The following CELSR2 variants were observed in gnomAD, a reference collection of about 807,000 sequenced individuals.
The protein encoded by CELSR2 is cadherin EGF LAG seven-pass G-type receptor 2.
A neutral mutation model predicts 251.6 loss-of-function variants in CELSR2; 81 were observed. The ratio of observed to expected loss-of-function variants is 0.32; its 90% CI spans 0.27 to 0.39. CELSR2 has a LOEUF of 0.39. Among genes scored for constraint, CELSR2 ranks in the 10% least tolerant of loss-of-function variants. The pLI is 1.00. For missense variants in CELSR2, 3,365 were observed against 3,947.7 expected (o/e 0.85, Z 3.96); for synonymous variants, 1,721 against 1,670.5 (o/e 1.03, Z -0.74).
chr1:109,270,363 C>G, intron 23 of CELSR2, 63 bp from the exon 24 acceptor site: 2 of 1,573,824 alleles, frequency 1.3e-6, no homozygotes, highest in African/African-American at 1.3e-5. Flanking sequence ...ATGCCTGACC[C>G]GAAGCAGAGC....
In CELSR2 at chr1:109,270,150, GC is replaced by G. The variant is rs752343806; in HGVS notation, c.7308+20del. On this transcript the variant is annotated intron_variant, in intron 23 of 33. Coordinates refer to ENST00000271332, the MANE Select transcript of CELSR2 (RefSeq NM_001408.3). ...GACCTCCCTGTAAGATGCTCCTACT[GC>G]CCAGAAACTGTCCCCACCTTCTCAG... 3 of 1,612,142 alleles carry G rather than the reference GC, an allele frequency of 1.9e-6. No individual in the cohort carries two copies. In the African/African-American group the frequency reaches 4.0e-5, roughly 22 times the overall value.
chr1:109,251,128 G>A lies in CELSR2; in HGVS notation c.1049G>A (p.Arg350Gln), dbSNP rs192199164. 6.2e-6 allele frequency: 10 copies of A among 1,613,104 alleles called. No homozygotes were observed. Among genetic ancestry groups the A allele is most frequent in the African/African-American group, 2.7e-5 (2 of 75,032 alleles). Residue 350 changes from arginine to glutamine, a missense_variant, in exon 1 of 34, where the codon CGA becomes CAA. Around this residue, in one of 5 missense-constraint regions of CELSR2, gnomAD observed 704 missense variants for 784.1 expected, o/e 0.90. Transcript: ENST00000271332. The surrounding 1 kb of genome is among the most constrained non-coding windows in gnomAD (Gnocchi z 4.9). ...ATCGACCCTCGCTCTGGGGTGATCCGAACCCGTGGCCCTGTGGATCGGGAA... is the reference window on the plus strand; with the variant it reads ...ATCGACCCTCGCTCTGGGGTGATCCAAACCCGTGGCCCTGTGGATCGGGAA... ...FEIDPRSGVI[R>Q]TRGPVDREEV...
intron 2 of CELSR2, 61 bp downstream of exon 2, chr1:109,259,140 C>G: frequency 1.5e-6 from 2 of 1,336,010 alleles, no homozygotes; most frequent in Admixed American, 5.0e-5. Context: ...GGTGCAGGCA[C>G]AAATCAGGAC....
intron 1 of CELSR2, among the ~76,000 whole-genome samples, chr1:109,254,846 C>T (rs1295862648): frequency 2.0e-5 from 3 of 152,218 alleles, no homozygotes; most frequent in Non-Finnish European, 2.9e-5. Context: ...TCAGTTTCCC[C>T]TCCAGGAGGC....
At position 109,252,735 on chromosome 1, in the gene CELSR2, C is replaced by T. The variant is rs529873677; in HGVS notation, c.2656C>T (p.Gln886Ter). Residue 886 changes from glutamine (Q) to a stop codon, truncating the protein, a stop_gained, in exon 1 of 34, where the codon CAG (glutamine) becomes TAG (stop). Coordinates refer to ENST00000271332, the MANE Select transcript of CELSR2 (RefSeq NM_001408.3). LOFTEE classifies it high-confidence loss of function. This position sits in a 1 kb window ranked among gnomAD's most constrained non-coding sequence, Gnocchi z 4.8. ...GAGGCTGGATCGAGAGAACGTGGCC[C>T]AGTATGTCTTGCGGGCATATGCAGT... Reference protein sequence around the residue: ...LRRLDRENVAQYVLRAYAVDK... With the variant: ...LRRLDRENVA The T allele has an allele frequency of 6.2e-7, 1 of 1,614,042 alleles. No homozygotes were observed. Among genetic ancestry groups the T allele is most frequent in the Admixed American group, 1.7e-5 (1 of 60,028 alleles).
intron 23 of CELSR2, 59 bp downstream of exon 23, chr1:109,270,192 C>T (rs774872854): frequency 9.3e-5 from 145 of 1,554,432 alleles, no homozygotes; most frequent in Non-Finnish European, 1.2e-4. Context: ...CTCCCCAGCC[C>T]CCACTGGCAA....
In CELSR2 at chr1:109,267,847, C is replaced by T; in HGVS notation, c.6109-4C>T. The T allele has an allele frequency of 1.2e-6, 2 of 1,600,790 alleles. No individual in the cohort carries two copies. The highest frequency in any genetic ancestry group is 1.7e-6 in the Non-Finnish European group (2 of 1,174,230). Reference sequence around the variant, plus strand: ...CTCCTGCTCCTCCGCTCCGTCCTGTCTAGGCTGAGCGGCTACAGCGGAATG... The same window carrying T: ...CTCCTGCTCCTCCGCTCCGTCCTGTTTAGGCTGAGCGGCTACAGCGGAATG... On this transcript the variant is annotated splice_region_variant and splice_polypyrimidine_tract_variant and intron_variant, in intron 16 of 33. Coordinates refer to ENST00000271332, the MANE Select transcript of CELSR2 (RefSeq NM_001408.3).
intron 10 of CELSR2, 37 bp from the exon 11 acceptor site, chr1:109,264,417 G>A (rs749054402): frequency 3.6e-5 from 40 of 1,108,776 alleles, no homozygotes; most frequent in Non-Finnish European, 4.4e-5. Context: ...CTGCAGCCCC[G>A]CTCCACTGAG....
rs879653415 is a variant in CELSR2 at position 109,255,076 on chromosome 1, G to A, written c.3310+1687G>A. On this transcript the variant is annotated intron_variant, in intron 1 of 33. Coordinates refer to ENST00000271332, the MANE Select transcript of CELSR2 (RefSeq NM_001408.3). ...TGGTTCCCTAGTCTAGAGAAGGCTC[G>A]GGGCAACATCCAGGACGGCTCCTCC... Among the ~76,000 whole-genome samples, 19 of 152,160 alleles carry A rather than the reference G, an allele frequency of 1.2e-4. 1 individual carries two copies. The highest frequency in any genetic ancestry group is 2.1e-4 in the South Asian group (1 of 4,826).
Position 109,274,160 on chromosome 1 carries a change from G to T in CELSR2, c.*111G>T. ...CCCCGCTCCCCATCGCCTGCCCGCA[G>T]CAGCGACGAAACGTCCATCTGAGGA... On this transcript the variant is annotated 3_prime_UTR_variant, in exon 34 of 34. Coordinates refer to ENST00000271332, the MANE Select transcript of CELSR2 (RefSeq NM_001408.3). The T allele has an allele frequency of 6.2e-7, 1 of 1,600,278 alleles. No individual in the cohort carries two copies. Among genetic ancestry groups the T allele is most frequent in the African/African-American group, 1.3e-5 (1 of 74,664 alleles).
chr1:109,273,843 G>A (rs1323202447), intron 33 of CELSR2, 173 bp downstream of exon 33: 5 of 1,046,328 alleles, frequency 4.8e-6, no homozygotes, highest in Admixed American at 4.0e-5. Context: ...TGCCTTGCGG[G>A]GAGGGCCACC....
At position 109,261,457 on chromosome 1, in the gene CELSR2, TG is replaced by T; in HGVS notation, c.4182-55del. Reference sequence around the variant, plus strand: ...CCCTGCGCTGGTTAGGTGGCGGGGGTGCTGGCATCCAGGTGGGTACCCCATT... The same window carrying T: ...CCCTGCGCTGGTTAGGTGGCGGGGGTCTGGCATCCAGGTGGGTACCCCATT... On this transcript the variant is annotated intron_variant, in intron 3 of 33. Transcript: ENST00000271332. This position sits in a 1 kb window ranked among gnomAD's most constrained non-coding sequence, Gnocchi z 4.8. 2.0e-6 allele frequency: 3 copies of T among 1,532,474 alleles called. No homozygotes were observed. Among genetic ancestry groups the T allele is most frequent in the Non-Finnish European group, 2.7e-6 (3 of 1,106,120 alleles). 94.9% of individuals were successfully genotyped at this position (1,532,474 alleles called of 1,614,324 possible).
chr1:109,251,063 G>A lies in CELSR2; in HGVS notation c.984G>A (p.Leu328=). The A allele has an allele frequency of 6.2e-7, 1 of 1,613,526 alleles. No individual in the cohort carries two copies. The highest frequency in any genetic ancestry group is 8.5e-7 in the Non-Finnish European group (1 of 1,179,956). The change falls in exon 1 of 34, where the codon CTG becomes CTA. Residue 328 remains leucine, a synonymous_variant. Transcript: ENST00000271332. The surrounding 1 kb of genome is among the most constrained non-coding windows in gnomAD (Gnocchi z 4.9). ...CCAATGCCAATATTCTGTACCGCCT[G>A]CTGGAGGGGTCTGGGGGCAGCCCCT... ...APPNANILYR[L]LEGSGGSPSE...
intron 15 of CELSR2, among the ~76,000 whole-genome samples, chr1:109,267,302 C>T (rs1656226962): frequency 6.6e-6 from 1 of 152,258 alleles, no homozygotes; most frequent in African/African-American, 2.4e-5. Context: ...TGGCTGGAGA[C>T]AGGCAGGATG....
Position 109,250,158 on chromosome 1 carries a change from C to G in CELSR2, c.79C>G (p.Pro27Ala). The change falls in exon 1 of 34, where the codon CCG becomes GCG. Residue 27 changes from proline (P) to alanine (A), a missense_variant. This residue lies in a region of CELSR2 where 704 missense variants were observed against 784.1 expected (regional missense o/e 0.90). Coordinates refer to ENST00000271332, the MANE Select transcript of CELSR2 (RefSeq NM_001408.3). The surrounding 1 kb of genome is among the most constrained non-coding windows in gnomAD (Gnocchi z 4.4). ...GCTGCTGTTGCTGCTGCTGCTGCCGCCGCCACTATTGGGAGACCAAGTGGG... is the reference window on the plus strand; with the variant it reads ...GCTGCTGTTGCTGCTGCTGCTGCCGGCGCCACTATTGGGAGACCAAGTGGG... ...LLLLLLLLLP[P>A]PLLGDQVGPC... The G allele has an allele frequency of 6.3e-7, 1 of 1,599,328 alleles. No individual in the cohort carries two copies. Among genetic ancestry groups the G allele is most frequent in the Non-Finnish European group, 8.5e-7 (1 of 1,175,098 alleles).
At chr1:109,256,736 G>A (rs561792692) in intron 1 of CELSR2, among the ~76,000 whole-genome samples, 1 of 152,128 alleles carries the variant, frequency 6.6e-6, no homozygotes, top group Non-Finnish European at 1.5e-5. Context: ...CTGCCTCCTG[G>A]GTTCAAGCAA....
At chr1:109,260,403 C>T (rs1655984979) in intron 2 of CELSR2, among the ~76,000 whole-genome samples, 1 of 152,166 alleles carries the variant, frequency 6.6e-6, no homozygotes, top group Admixed American at 6.5e-5. Flanking sequence ...GCACAGAGGT[C>T]CTTAGTCTGG....
chr1:109,261,071 G>A lies in CELSR2; in HGVS notation c.3988G>A (p.Gly1330Ser), dbSNP rs1222989459. Reference protein sequence around the residue: ...GEHCEVSARSGRCTPGVCKNG... With the variant: ...GEHCEVSARSSRCTPGVCKNG... Reference sequence around the variant, plus strand: ...GCACTGTGAGGTGAGTGCTCGCTCAGGCCGTTGCACCCCGGGTGTCTGCAA... The same window carrying A: ...GCACTGTGAGGTGAGTGCTCGCTCAAGCCGTTGCACCCCGGGTGTCTGCAA... Residue 1330 changes from glycine to serine, a missense_variant, in exon 3 of 34, where the codon GGC becomes AGC. By Grantham distance (56) the Gly-to-Ser change is moderately conservative. Around this residue, in one of 5 missense-constraint regions of CELSR2, gnomAD observed 2,093 missense variants for 2,382.8 expected, o/e 0.88. Transcript: ENST00000271332. The surrounding 1 kb of genome is among the most constrained non-coding windows in gnomAD (Gnocchi z 4.8). 5.0e-6 allele frequency: 8 copies of A among 1,613,866 alleles called. No homozygotes were observed. Among genetic ancestry groups the A allele is most frequent in the Non-Finnish European group, 5.9e-6 (7 of 1,179,866 alleles).
At chr1:109,258,230 CAGA>C (rs1339039935) in intron 1 of CELSR2, among the ~76,000 whole-genome samples, 199 bp from the exon 2 acceptor site, 1 of 152,108 alleles carries the variant, frequency 6.6e-6, no homozygotes, top group African/African-American at 2.4e-5. Context: ...GCATCAGCGA[CAGA>C]AGGTTTTGGG....
Sources: allele counts gnomAD v4.1 joint callset (sites outside exome capture counted in the v4.1 genomes callset), GRCh38; gene constraint gnomAD v4.1.1; regional missense constraint gnomAD v4.1.1; non-coding constraint Gnocchi (gnomAD v3.1); transcripts MANE v1.5; gene names NCBI Gene and HGNC (gene_info 2026-07-23, HGNC 2026-07-21).